The following CEP89 variants were observed in gnomAD, a reference collection of about 807,000 sequenced individuals.
CEP89 encodes the protein centrosomal protein 89, also known as centrosomal protein of 89 kDa.
CEP89 carries 95 observed loss-of-function variants against 97.6 expected under a neutral mutation model. The observed-to-expected ratio is 0.97, with a 90% CI of 0.82 to 1.15. The LOEUF (loss-of-function observed/expected upper bound fraction) is 1.15. Among genes scored for constraint, CEP89 ranks in the 50% most tolerant of loss-of-function variants. The pLI, the probability that CEP89 is intolerant of heterozygous loss-of-function variation, is 0.00. For synonymous variants in CEP89, 354 were observed against 349.1 expected, an observed-to-expected ratio of 1.01 and a Z score of -0.16; for missense variants, 869 against 947.7, an observed-to-expected ratio of 0.92 and a Z score of 1.09.
intron 16 of CEP89, among the ~76,000 whole-genome samples, chr19:32,888,558 C>T (rs2145873205): frequency 6.6e-6 from 1 of 151,940 alleles, no homozygotes; most frequent in East Asian, 2.0e-4. Context: ...TGGTGTGCAC[C>T]TGTAGTCTCA....
intron 17 of CEP89, among the ~76,000 whole-genome samples, chr19:32,885,273 C>T (rs953770712): frequency 1.3e-5 from 2 of 152,196 alleles, no homozygotes; most frequent in South Asian, 2.1e-4. Flanking sequence ...ATATATTCTT[C>T]GCTCACTACA....
At chr19:32,951,534 T>TATATATATATATATACACACACAC (rs1407110112) in intron 4 of CEP89, among the ~76,000 whole-genome samples, 9 of 122,042 alleles carry the variant, frequency 7.4e-5, no homozygotes, top group African/African-American at 3.1e-4. Context: ...TATATATATA[T>TATATATATATATATACACACACAC]ACACACACAC....
rs2145939652 is a variant in CEP89, at chr19:32,939,875, G to T, written c.606C>A (p.His202Gln). 2 of 1,270,016 alleles carry T rather than the reference G, an allele frequency of 1.6e-6. No individual in the cohort carries two copies. The highest frequency in any genetic ancestry group is 2.2e-6 in the Non-Finnish European group (2 of 889,100). The allele number at this position is 1,270,016 out of a possible 1,614,324, so 78.7% of individuals were successfully genotyped here. The change falls in exon 6 of 19, where the codon CAC becomes CAA. Residue 202 changes from histidine to glutamine, a missense_variant. Transcript: ENST00000305768. Reference protein sequence around the residue: ...PQRTQQKDGKHPVLNLKDEKP... With the variant: ...PQRTQQKDGKQPVLNLKDEKP... ...ATCTTACCTTTAAATTCAGAACAGG[G>T]TGTTTACCATCTGATGAAGAAAAAG... is the stretch of plus-strand genomic sequence containing the variant.
chr19:32,948,594 A>T (rs1361286092), intron 4 of CEP89, among the ~76,000 whole-genome samples: 1 of 152,160 alleles, frequency 6.6e-6, no homozygotes, highest in Non-Finnish European at 1.5e-5. Context: ...AGGCAACACC[A>T]TTAAAGTTAT....
intron 8 of CEP89, among the ~76,000 whole-genome samples, 155 bp downstream of exon 8, chr19:32,933,296 C>A (rs1311625995): frequency 6.6e-6 from 1 of 152,058 alleles, no homozygotes; most frequent in Non-Finnish European, 1.5e-5. Flanking sequence ...CAGATGAAAT[C>A]AAATCTCAAC....
At chr19:32,920,331 C>T (rs1970221878) in intron 12 of CEP89, among the ~76,000 whole-genome samples, 3 of 151,944 alleles carry the variant, frequency 2.0e-5, no homozygotes, top group Admixed American at 1.3e-4. Flanking sequence ...CCTCCCACCT[C>T]GGCCTCCCAA....
At chr19:32,907,938 T>C (rs1160324357) in intron 14 of CEP89, among the ~76,000 whole-genome samples, 1 of 147,396 alleles carries the variant, frequency 6.8e-6, no homozygotes, top group Non-Finnish European at 1.5e-5. Flanking sequence ...TGTTTAGATA[T>C]GTTTAGATAC....
Position 32,923,536 on chromosome 19 carries a change from T to C in CEP89, c.1171A>G (p.Met391Val). 6.3e-7 allele frequency: 1 copy of C among 1,579,120 alleles called. No homozygotes were observed. The highest frequency in any genetic ancestry group is 8.7e-7 in the Non-Finnish European group (1 of 1,148,850). ...TGGACTCGCATCCTAAACATTCTCA[T>C]TTCCTCCTGAAATAAAATGTACGTA... is the stretch of plus-strand genomic sequence containing the variant. ...DELNATLKEE[M>V]RMFRMRVQEV... Residue 391 changes from methionine to valine, a missense_variant, in exon 12 of 19, where the codon ATG (methionine) becomes GTG (valine). Coordinates refer to ENST00000305768, the MANE Select transcript of CEP89 (RefSeq NM_032816.5).
intron 17 of CEP89, among the ~76,000 whole-genome samples, chr19:32,885,114 G>A (rs4805014): frequency 0.21 from 32,023 of 151,922 alleles, 3,555 homozygotes; most frequent in Admixed American, 0.33. Context: ...TATTACCTAC[G>A]AAGAAATCAG....
chr19:32,928,937 T>A (rs1347835011), intron 9 of CEP89, among the ~76,000 whole-genome samples: 1 of 152,234 alleles, frequency 6.6e-6, no homozygotes, highest in Non-Finnish European at 1.5e-5. Context: ...GGTCATAGGC[T>A]GGTGCTGCCT....
intron 2 of CEP89, chr19:32,963,892 C>CCACACA (rs56322637): frequency 0.14 from 20,701 of 146,124 alleles, 1,798 homozygotes; most frequent in Non-Finnish European, 0.2. Flanking sequence ...TTATAAAAGA[C>CCACACA]CACACACACA....
At position 32,953,799 on chromosome 19, in the gene CEP89, G is replaced by A; in HGVS notation, c.308C>T (p.Pro103Leu). 3 of 1,611,136 alleles carry A rather than the reference G, an allele frequency of 1.9e-6. No individual in the cohort carries two copies. Among genetic ancestry groups the A allele is most frequent in the Non-Finnish European group, 2.5e-6 (3 of 1,178,036 alleles). ...YATTSQLRPRPNWQSEMGRRS... is the reference protein window; with the variant it reads ...YATTSQLRPRLNWQSEMGRRS... ...TCTTCCCATCTCACTCTGCCAATTT[G>A]GCCTGTATTAGAATATTCATGGGGA... is the stretch of plus-strand genomic sequence containing the variant. The change falls in exon 4 of 19, where the codon CCA (proline) becomes CTA (leucine). Residue 103 changes from proline (P) to leucine (L), a missense_variant and splice_region_variant. By Grantham distance (98) the Pro-to-Leu change is moderately conservative (BLOSUM62 -3). Coordinates refer to ENST00000305768, the MANE Select transcript of CEP89 (RefSeq NM_032816.5).
chr19:32,942,374 C>T (rs1312320472), intron 5 of CEP89, among the ~76,000 whole-genome samples: 4 of 152,004 alleles, frequency 2.6e-5, no homozygotes, highest in Non-Finnish European at 5.9e-5. Flanking sequence ...AGAGCGACCC[C>T]GCCTCAAAAA....
chr19:32,933,560 A>G lies in CEP89; in HGVS notation c.777T>C (p.Leu259=), dbSNP rs141702590. Residue 259 remains leucine (L), a synonymous_variant, in exon 8 of 19, where the codon CTT becomes CTC. Transcript: ENST00000305768. ...DLNNMNQSLT[L]ELNTMKQAMK... ...TTGCTTGTTTCATTGTGTTTAGTTC[A>G]AGGGTAAGGCTTTGATTCATATTGT... 1.9e-6 allele frequency: 3 copies of G among 1,613,236 alleles called. No homozygotes were observed. The African/African-American group carries it at 4.0e-5, about 22-fold the overall frequency.
At chr19:32,921,177 G>A (rs1307162807) in intron 12 of CEP89, among the ~76,000 whole-genome samples, 4 of 151,486 alleles carry the variant, frequency 2.6e-5, no homozygotes, top group East Asian at 1.9e-4. Flanking sequence ...AGTCGAGATC[G>A]CGCCACTGCA....
chr19:32,895,411 A>G (rs1044323076), intron 16 of CEP89, among the ~76,000 whole-genome samples: 9 of 152,210 alleles, frequency 5.9e-5, no homozygotes, highest in African/African-American at 1.9e-4. Flanking sequence ...TTGGATAAAA[A>G]TTCAACATCC....
chr19:32,948,278 T>C lies in CEP89; in HGVS notation c.583A>G (p.Thr195Ala), dbSNP rs374225835. The change falls in exon 5 of 19, where the codon ACA becomes GCA. Residue 195 changes from threonine (T) to alanine (A), a missense_variant. By Grantham distance (58) the Thr-to-Ala change is moderately conservative. Transcript: ENST00000305768. The part of the protein sequence containing the change: ...FPGSPPAPQR[T>A]QQKDGKHPVL... ...TTTTTTTTTCTACCTTTTTGTTGTG[T>C]CCGCTGTGGTGCAGGAGGGGAGCCT... 4.4e-6 allele frequency: 7 copies of C among 1,594,098 alleles called. No individual in the cohort carries two copies. In the African/African-American group the frequency reaches 5.4e-5, roughly 12 times the overall value.
At chr19:32,954,486 C>T (rs1971004514) in intron 3 of CEP89, among the ~76,000 whole-genome samples, 1 of 151,716 alleles carries the variant, frequency 6.6e-6, no homozygotes, top group Admixed American at 6.6e-5. Flanking sequence ...CAGTCTCAGC[C>T]TCCCAATAGC....
Position 32,899,948 on chromosome 19 carries a change from A to G in CEP89, c.1784T>C (p.Met595Thr), listed in dbSNP as rs569806207. The G allele has an allele frequency of 2.5e-6, 4 of 1,614,096 alleles. No individual in the cohort carries two copies. In the South Asian group the frequency reaches 4.4e-5, roughly 18 times the overall value. Residue 595 changes from methionine to threonine, a missense_variant, in exon 16 of 19, where the codon ATG becomes ACG. Met to Thr is a moderately conservative substitution (Grantham distance 81). Coordinates refer to ENST00000305768, the MANE Select transcript of CEP89 (RefSeq NM_032816.5). ...EVLKKQVEKA[M>T]GNEMSAHQYL... ...CTGATGAGCAGACATTTCGTTCCCC[A>G]TGGCTTTTTCCACCTGCTTTTTGAG...
Sources: gnomAD v4.1 joint callset for allele counts (sites outside exome capture counted in the v4.1 genomes callset) on GRCh38, gnomAD v4.1.1 for gene constraint, MANE v1.5 for transcripts, NCBI Gene and HGNC (gene_info 2026-07-23, HGNC 2026-07-21) for gene names.